The following MYO16 variants were observed in gnomAD, a reference collection of about 807,000 sequenced individuals.
MYO16 encodes myosin XVI.
A neutral mutation model predicts 205.3 loss-of-function variants in MYO16; 94 were observed. The ratio of observed to expected loss-of-function variants is 0.46; its 90% CI spans 0.39 to 0.54. The LOEUF (loss-of-function observed/expected upper bound fraction) is 0.54. Ranked by LOEUF, MYO16 falls within the 20% of genes least tolerant of loss-of-function variation. The probability of loss-of-function intolerance (pLI) is 0.00; values close to 1 mark genes in which losing one functional copy is unlikely to be tolerated. For synonymous variants in MYO16, 988 were observed against 954.0 expected, an observed-to-expected ratio of 1.04 and a Z score of -0.66; for missense variants, 2,315 against 2,387.5, an observed-to-expected ratio of 0.97 and a Z score of 0.63.
At chr13:109,038,878 C>A (rs1886796807) in intron 23 of MYO16, among the ~76,000 whole-genome samples, 3 of 152,038 alleles carry the variant, frequency 2.0e-5, no homozygotes, top group Non-Finnish European at 4.4e-5. Flanking sequence ...TGCTAAGATT[C>A]TAAATGGATA....
intron 23 of MYO16, among the ~76,000 whole-genome samples, chr13:109,023,417 TATAA>T (rs1199071679): frequency 3.4e-5 from 3 of 88,488 alleles, no homozygotes; most frequent in Non-Finnish European, 5.8e-5. Context: ...ATTATACAGA[TATAA>T]ATATATATTT....
chr13:108,937,523 G>T (rs1258776938), intron 16 of MYO16, among the ~76,000 whole-genome samples: 2 of 151,924 alleles, frequency 1.3e-5, no homozygotes, highest in Non-Finnish European at 2.9e-5. Context: ...GGTTTGGTTG[G>T]TTTACATAAT....
chr13:108,730,177 C>T (rs1566575770), intron 4 of MYO16, among the ~76,000 whole-genome samples: 1 of 152,064 alleles, frequency 6.6e-6, no homozygotes, highest in South Asian at 2.1e-4. Context: ...GAATCATAGG[C>T]GTGGTTTCCC....
the MYO16 span, among the ~76,000 whole-genome samples, chr13:108,522,050 T>C: frequency 6.6e-6 from 1 of 152,206 alleles, no homozygotes; most frequent in African/African-American, 2.4e-5. Context: ...TTATTAATTA[T>C]CTTCCAAATG....
intron 16 of MYO16, among the ~76,000 whole-genome samples, chr13:108,949,760 C>T (rs895285367): frequency 1.3e-5 from 2 of 151,916 alleles, no homozygotes; most frequent in African/African-American, 4.8e-5. Context: ...ACTACTCTAC[C>T]CATATTAAGG....
the MYO16 span, among the ~76,000 whole-genome samples, chr13:108,523,342 C>G: frequency 6.6e-6 from 1 of 152,190 alleles, no homozygotes; most frequent in Admixed American, 6.5e-5. Flanking sequence ...TGCCCTCCTC[C>G]ATCGTATCTG....
chr13:109,082,107 G>A (rs1888299026), intron 27 of MYO16, among the ~76,000 whole-genome samples: 1 of 152,184 alleles, frequency 6.6e-6, no homozygotes, highest in African/African-American at 2.4e-5. Context: ...GCTGTGCACA[G>A]AGCTTCTCAA....
At chr13:108,637,520 C>A (rs1367528370) in intron 1 of MYO16, among the ~76,000 whole-genome samples, 1 of 152,080 alleles carries the variant, frequency 6.6e-6, no homozygotes, top group Non-Finnish European at 1.5e-5. Context: ...ATTTATTATT[C>A]ATGACTTCAA....
At chr13:108,903,743 T>G (rs1343827767) in intron 15 of MYO16, among the ~76,000 whole-genome samples, 1 of 152,036 alleles carries the variant, frequency 6.6e-6, no homozygotes, top group Non-Finnish European at 1.5e-5. Flanking sequence ...GAAAGAAAAA[T>G]GAAAAAACAC....
At chr13:108,599,294 A>G (rs939158221) in intron 1 of MYO16, among the ~76,000 whole-genome samples, 2 of 148,204 alleles carry the variant, frequency 1.3e-5, no homozygotes, top group African/African-American at 2.5e-5. Context: ...TAGTGCCGCA[A>G]TAAACATACA....
chr13:108,770,325 T>A (rs2138877620), intron 4 of MYO16, among the ~76,000 whole-genome samples: 1 of 152,288 alleles, frequency 6.6e-6, no homozygotes, highest in Admixed American at 6.5e-5. Flanking sequence ...TGTCTTTAAA[T>A]TTTCAGATAA....
chr13:108,499,986 G>A, the MYO16 span, among the ~76,000 whole-genome samples: 1 of 151,454 alleles, frequency 6.6e-6, no homozygotes, highest in African/African-American at 2.4e-5. Flanking sequence ...CTGCTCCGGC[G>A]GGCCCTCTGT....
intron 23 of MYO16, among the ~76,000 whole-genome samples, chr13:109,034,248 T>C (rs1348460751): frequency 6.6e-6 from 1 of 152,212 alleles, no homozygotes; most frequent in Non-Finnish European, 1.5e-5. Context: ...ATTTTACAAA[T>C]GTATATGATA....
intron 24 of MYO16, among the ~76,000 whole-genome samples, chr13:109,049,880 T>C (rs981012014): frequency 2.6e-5 from 4 of 151,954 alleles, no homozygotes; most frequent in Non-Finnish European, 5.9e-5. Flanking sequence ...GCTATCTTTC[T>C]TTCTATCTCT....
chr13:108,746,002 A>T (rs1239168667), intron 4 of MYO16, among the ~76,000 whole-genome samples: 1 of 151,530 alleles, frequency 6.6e-6, no homozygotes, highest in African/African-American at 2.4e-5. Flanking sequence ...CCTGGCTAAC[A>T]CAGTGAAACC....
chr13:109,077,411 T>C (rs9521160), intron 27 of MYO16, among the ~76,000 whole-genome samples: 73,227 of 151,912 alleles, frequency 0.48, 17,895 homozygotes, highest in Middle Eastern at 0.55. Context: ...TCCCTCAAAC[T>C]CACAGCCTCC....
chr13:108,605,263 A>T (rs141156705), intron 1 of MYO16, among the ~76,000 whole-genome samples: 1 of 152,348 alleles, frequency 6.6e-6, no homozygotes, highest in African/African-American at 2.4e-5. Context: ...CACTGCTTTT[A>T]AGGAGCCCAT....
At position 108,803,021 on chromosome 13, in the gene MYO16, T is replaced by C. The variant is rs1463387871; in HGVS notation, c.742-3658T>C. 1.3e-5 allele frequency among the ~76,000 whole-genome samples: 2 copies of C among 152,354 alleles called. 1 individual carries two copies. Among genetic ancestry groups the C allele is most frequent in the South Asian group, 4.1e-4 (2 of 4,826 alleles). On this transcript the variant is annotated intron_variant, in intron 6 of 34. Coordinates refer to ENST00000457511, the MANE Select transcript of MYO16 (RefSeq NM_001198950.3). ...ACCAGAATCTGAGAAGCGAAGCATTTATCTAGAAAGTCCAATTGTCAGTAT... is the reference window on the plus strand; with the variant it reads ...ACCAGAATCTGAGAAGCGAAGCATTCATCTAGAAAGTCCAATTGTCAGTAT...
intron 6 of MYO16, among the ~76,000 whole-genome samples, chr13:108,794,233 T>TA (rs939467335): frequency 3.9e-4 from 59 of 152,340 alleles, no homozygotes; most frequent in African/African-American, 1.4e-3. Flanking sequence ...CTATGCTTGT[T>TA]ACCTGCGTAA....
Sources: gnomAD v4.1 joint callset for allele counts (sites outside exome capture counted in the v4.1 genomes callset) on GRCh38, gnomAD v4.1.1 for gene constraint, MANE v1.5 for transcripts, NCBI Gene and HGNC (gene_info 2026-07-23, HGNC 2026-07-21) for gene names.